NELL1: variants seen among roughly 807,000 people sequenced by gnomAD.
NELL1 encodes neural EGFL like 1.
NELL1 carries 76 observed loss-of-function variants against 107.4 expected under a neutral mutation model. That is an observed-to-expected ratio of 0.71 (90% CI 0.59 to 0.86). The LOEUF is 0.86. Ranked by LOEUF, NELL1 falls within the 40% of genes least tolerant of loss-of-function variation. The pLI is 0.00. For missense variants in NELL1, 1,024 were observed against 1,005.5 expected (o/e 1.02, Z -0.25); for synonymous variants, 353 against 341.2 (o/e 1.03, Z -0.38).
intron 15 of NELL1, among the ~76,000 whole-genome samples, chr11:21,488,354 G>A (rs1275473084): frequency 6.6e-6 from 1 of 152,018 alleles, no homozygotes; most frequent in Non-Finnish European, 1.5e-5. Context: ...CATAGGAGAA[G>A]GCTTTTTGCT....
intron 14 of NELL1, among the ~76,000 whole-genome samples, chr11:21,331,771 G>T (rs1380134726): frequency 6.6e-6 from 1 of 152,014 alleles, no homozygotes; most frequent in African/African-American, 2.4e-5. Flanking sequence ...CTCTTTCCCA[G>T]TTCACTCTGA....
intron 14 of NELL1, among the ~76,000 whole-genome samples, chr11:21,287,652 C>A (rs1849154395): frequency 1.3e-5 from 2 of 152,100 alleles, no homozygotes; most frequent in South Asian, 4.2e-4. Context: ...AGTCTTGGTT[C>A]CTTTCTTCTT....
intron 3 of NELL1, among the ~76,000 whole-genome samples, chr11:20,828,475 A>G (rs969486360): frequency 1.3e-5 from 2 of 152,212 alleles, no homozygotes; most frequent in African/African-American, 4.8e-5. Flanking sequence ...AATGATTGGT[A>G]TGAGGAGCCA....
intron 13 of NELL1, among the ~76,000 whole-genome samples, chr11:21,185,357 G>A (rs1324332505): frequency 4.3e-5 from 6 of 138,412 alleles, no homozygotes; most frequent in Non-Finnish European, 6.1e-5. Flanking sequence ...GCATAGTGGT[G>A]CATCTCAGCT....
chr11:20,811,510 G>T (rs1316586490), intron 3 of NELL1, among the ~76,000 whole-genome samples: 1 of 151,794 alleles, frequency 6.6e-6, no homozygotes, highest in Non-Finnish European at 1.5e-5. Flanking sequence ...GGGATTGCAT[G>T]GAATCTGTAG....
At chr11:21,515,650 A>T (rs1218248831) in intron 15 of NELL1, among the ~76,000 whole-genome samples, 1 of 152,174 alleles carries the variant, frequency 6.6e-6, no homozygotes, top group Non-Finnish European at 1.5e-5. Flanking sequence ...ATCAATAAAG[A>T]TATTGTATGA....
intron 2 of NELL1, among the ~76,000 whole-genome samples, chr11:20,719,546 C>T (rs1451679072): frequency 6.6e-6 from 1 of 152,116 alleles, no homozygotes; most frequent in African/African-American, 2.4e-5. Context: ...GGATCCTTAC[C>T]TTAAAAGTTG....
chr11:21,426,107 CT>C (rs1465220958), intron 15 of NELL1, among the ~76,000 whole-genome samples: 4 of 152,178 alleles, frequency 2.6e-5, no homozygotes, highest in Admixed American at 2.0e-4. Flanking sequence ...GGAGAAAACC[CT>C]TTTGTTTACT....
intron 14 of NELL1, among the ~76,000 whole-genome samples, chr11:21,322,820 A>G (rs2133669488): frequency 6.6e-6 from 1 of 152,162 alleles, no homozygotes; most frequent in Admixed American, 6.6e-5. Flanking sequence ...TTCTGAGCAA[A>G]TGCCCCATTG....
At chr11:21,179,868 T>TTTTTTTA (rs1234797570) in intron 13 of NELL1, among the ~76,000 whole-genome samples, 1 of 130,220 alleles carries the variant, frequency 7.7e-6, no homozygotes. Flanking sequence ...CACACTTTTT[T>TTTTTTTA]TTTTTTTTTT....
intron 13 of NELL1, among the ~76,000 whole-genome samples, chr11:21,172,162 A>T (rs1398010284): frequency 6.6e-6 from 1 of 151,896 alleles, no homozygotes; most frequent in African/African-American, 2.4e-5. Flanking sequence ...CAGGGTCATT[A>T]ACATCTCATC....
In NELL1 at chr11:20,858,475, A is replaced by G. The variant is rs116053139; in HGVS notation, c.506+10722A>G. On this transcript the variant is annotated intron_variant, in intron 4 of 19. Transcript: ENST00000357134. ...TGCACCGATAGCTGAGCAATTTATC[A>G]AGGTTTAACCTTTTGGTAAATCACC... Among the ~76,000 whole-genome samples the G allele has an allele frequency of 7.8e-3, 1,195 of 152,340 alleles. 11 individuals carry two copies. The highest frequency in any genetic ancestry group is 0.028 in the African/African-American group (1,150 of 41,578).
intron 4 of NELL1, among the ~76,000 whole-genome samples, chr11:20,856,515 C>T (rs1848884933): frequency 6.6e-6 from 1 of 152,174 alleles, no homozygotes; most frequent in African/African-American, 2.4e-5. Flanking sequence ...CTTTGGGACA[C>T]CTAGAATGCC....
At chr11:20,947,091 C>T (rs565566275) in intron 10 of NELL1, among the ~76,000 whole-genome samples, 2 of 152,190 alleles carry the variant, frequency 1.3e-5, no homozygotes, top group South Asian at 4.2e-4. Context: ...AATCCTTCTG[C>T]TCCATAGAAG....
chr11:21,231,448 A>G (rs1289577540), intron 14 of NELL1, among the ~76,000 whole-genome samples: 1 of 152,240 alleles, frequency 6.6e-6, no homozygotes, highest in Non-Finnish European at 1.5e-5. Context: ...TAAAAGGCTA[A>G]GGAAATTTCC....
chr11:21,436,037 A>G (rs988005772), intron 15 of NELL1, among the ~76,000 whole-genome samples: 2 of 151,684 alleles, frequency 1.3e-5, no homozygotes, highest in African/African-American at 4.8e-5. Context: ...GTAAGTTCAG[A>G]TTTTTTCTTT....
chr11:21,294,852 G>GA (rs909389218), intron 14 of NELL1, among the ~76,000 whole-genome samples: 1 of 151,848 alleles, frequency 6.6e-6, no homozygotes, highest in Non-Finnish European at 1.5e-5. Context: ...ATCTGCTTTT[G>GA]AAAAAAATAC....
At chr11:20,808,617 T>C (rs974495499) in intron 3 of NELL1, among the ~76,000 whole-genome samples, 2 of 152,318 alleles carry the variant, frequency 1.3e-5, no homozygotes, top group Middle Eastern at 3.4e-3. Context: ...TGGCTTAGAC[T>C]GCCTTTCAGG....
intron 12 of NELL1, among the ~76,000 whole-genome samples, chr11:21,110,388 T>C (rs1056225007): frequency 6.6e-6 from 1 of 152,120 alleles, no homozygotes; most frequent in Non-Finnish European, 1.5e-5. Context: ...TTTCTAACCA[T>C]CCCTTGTTTG....
Sources: allele counts gnomAD v4.1 joint callset (sites outside exome capture counted in the v4.1 genomes callset), GRCh38; gene constraint gnomAD v4.1.1; transcripts MANE v1.5; gene names NCBI Gene and HGNC (gene_info 2026-07-23, HGNC 2026-07-21).